Variants in CPED1 observed in about 807,000 individuals in gnomAD.
The protein encoded by CPED1 is cadherin-like and PC-esterase domain-containing protein 1.
A neutral mutation model predicts 128.2 loss-of-function variants in CPED1; 114 were observed. The observed-to-expected ratio is 0.89, with a 90% CI of 0.76 to 1.04. The LOEUF (loss-of-function observed/expected upper bound fraction) is 1.04. Among genes scored for constraint, CPED1 ranks in the 50% least tolerant of loss-of-function variants. The probability of loss-of-function intolerance (pLI) is 0.00; values close to 1 mark genes in which losing one functional copy is unlikely to be tolerated. For missense variants in CPED1, 1,211 were observed against 1,207.1 expected (o/e 1.00, Z -0.05); for synonymous variants, 462 against 426.7 (o/e 1.08, Z -1.02).
At chr7:121,142,286 G>GCC in intron 16 of CPED1, 145 bp downstream of exon 16, 1 of 708,340 alleles carries the variant, frequency 1.4e-6, no homozygotes, top group East Asian at 2.6e-5. Flanking sequence ...GAGAATCCCA[G>GCC]CCAGGTATCT....
At chr7:121,194,039 TA>T (rs1563060913) in intron 16 of CPED1, among the ~76,000 whole-genome samples, 15 of 112,612 alleles carry the variant, frequency 1.3e-4, no homozygotes, top group South Asian at 9.1e-4. Context: ...TATATATATA[TA>T]TATATATATT....
In CPED1 at chr7:121,202,066, G is replaced by A. The variant is rs559924302; in HGVS notation, c.2056-34648G>A. Among the ~76,000 whole-genome samples, 5 of 152,190 alleles carry A rather than the reference G, an allele frequency of 3.3e-5. No homozygotes were observed. In the East Asian group the frequency reaches 9.7e-4, roughly 29 times the overall value. ...TCAGAGAATAATTTTTCCTATTCTA[G>A]ACTTAGACATCAAAAAGAAAAGGCA... On this transcript the variant is annotated intron_variant, in intron 16 of 22. Coordinates refer to ENST00000310396, the MANE Select transcript of CPED1 (RefSeq NM_024913.5).
chr7:121,175,781 T>C (rs901986318), intron 16 of CPED1, among the ~76,000 whole-genome samples: 10 of 152,038 alleles, frequency 6.6e-5, no homozygotes, highest in African/African-American at 2.4e-4. Flanking sequence ...AACTTTTCAA[T>C]ACAACAAGAC....
intron 16 of CPED1, among the ~76,000 whole-genome samples, chr7:121,153,186 C>A (rs1010700456): frequency 1.3e-4 from 20 of 152,198 alleles, no homozygotes; most frequent in Admixed American, 6.5e-4. Flanking sequence ...AGGAATGAGG[C>A]ATAATCATAA....
intron 17 of CPED1, among the ~76,000 whole-genome samples, chr7:121,238,821 A>G (rs1411787451): frequency 6.6e-6 from 1 of 151,670 alleles, no homozygotes; most frequent in Non-Finnish European, 1.5e-5. Flanking sequence ...GTTTTTACTG[A>G]TGGCTTACCT....
rs762557642 is a variant in CPED1, at chr7:121,125,843, T to C, written c.1085T>C (p.Leu362Pro). 6.2e-7 allele frequency: 1 copy of C among 1,613,544 alleles called. No individual in the cohort carries two copies. Among genetic ancestry groups the C allele is most frequent in the Non-Finnish European group, 8.5e-7 (1 of 1,179,610 alleles). ...FHRCRFCFQL[L>P]TFDIGYGSFM... Reference sequence around the variant, plus strand: ...AGATGCAGATTCTGCTTTCAACTTCTAACTTTTGATATTGGTTATGGCAGT... The same window carrying C: ...AGATGCAGATTCTGCTTTCAACTTCCAACTTTTGATATTGGTTATGGCAGT... The change falls in exon 9 of 23, where the codon CTA (leucine) becomes CCA (proline). Residue 362 changes from leucine to proline, a missense_variant. Transcript: ENST00000310396.
intron 22 of CPED1, among the ~76,000 whole-genome samples, chr7:121,274,380 T>A (rs1792292328): frequency 6.6e-6 from 1 of 152,170 alleles, no homozygotes; most frequent in South Asian, 2.1e-4. Context: ...TTTAGCTTAT[T>A]TGACTTTATA....
At chr7:121,091,499 A>G (rs965924755) in intron 5 of CPED1, among the ~76,000 whole-genome samples, 2 of 152,192 alleles carry the variant, frequency 1.3e-5, no homozygotes, top group Non-Finnish European at 2.9e-5. Context: ...TGTTAAACTC[A>G]AAAGGAATAA....
chr7:121,164,198 T>A (rs1047373457), intron 16 of CPED1, among the ~76,000 whole-genome samples: 3 of 152,198 alleles, frequency 2.0e-5, no homozygotes, highest in African/African-American at 7.2e-5. Flanking sequence ...GGCCCAGGAT[T>A]TAAAGGGGCT....
At chr7:121,146,223 G>A (rs761074226) in intron 16 of CPED1, among the ~76,000 whole-genome samples, 1 of 151,962 alleles carries the variant, frequency 6.6e-6, no homozygotes, top group Non-Finnish European at 1.5e-5. Context: ...CGGGAAATGA[G>A]CAAAAAGGGA....
At chr7:121,188,219 C>T (rs928653851) in intron 16 of CPED1, among the ~76,000 whole-genome samples, 17 of 152,158 alleles carry the variant, frequency 1.1e-4, no homozygotes, top group East Asian at 3.9e-4. Context: ...AGATAAAATA[C>T]GATTGACCAT....
At chr7:121,078,063 T>C (rs1373512654) in intron 5 of CPED1, among the ~76,000 whole-genome samples, 1 of 152,140 alleles carries the variant, frequency 6.6e-6, no homozygotes, top group East Asian at 1.9e-4. Flanking sequence ...TTGTTTTTGT[T>C]TTTGAGATGG....
At chr7:121,138,462 C>G (rs909349184) in intron 14 of CPED1, among the ~76,000 whole-genome samples, 3 of 152,012 alleles carry the variant, frequency 2.0e-5, no homozygotes. Flanking sequence ...ACTAAATCAG[C>G]TTTCAGACAG....
At chr7:121,170,114 G>A (rs1039204118) in intron 16 of CPED1, among the ~76,000 whole-genome samples, 13 of 152,144 alleles carry the variant, frequency 8.5e-5, no homozygotes, top group African/African-American at 2.4e-4. Flanking sequence ...GTATAAGGTC[G>A]ATAGCCAGTG....
intron 20 of CPED1, 69 bp downstream of exon 20, chr7:121,266,877 T>C: frequency 9.4e-7 from 1 of 1,066,316 alleles, no homozygotes; most frequent in Non-Finnish European, 1.4e-6. Flanking sequence ...TGTGACTGAG[T>C]TTTATCCAGA....
intron 16 of CPED1, among the ~76,000 whole-genome samples, chr7:121,233,507 C>G (rs571322049): frequency 3.4e-4 from 51 of 152,044 alleles, no homozygotes; most frequent in Admixed American, 5.2e-4. Context: ...CATGATGGTA[C>G]CAGTGTACTC....
intron 3 of CPED1, among the ~76,000 whole-genome samples, chr7:121,029,648 T>G (rs1320074630): frequency 1.3e-5 from 2 of 152,202 alleles, no homozygotes; most frequent in Non-Finnish European, 2.9e-5. Context: ...TCAGGAGAGA[T>G]AGCATATTAA....
intron 7 of CPED1, among the ~76,000 whole-genome samples, chr7:121,119,318 C>T: frequency 6.6e-6 from 1 of 150,740 alleles, no homozygotes; most frequent in East Asian, 2.0e-4. Flanking sequence ...CAAGCTCCGC[C>T]TCCCGGGTTC....
chr7:121,252,916 G>T, intron 18 of CPED1, among the ~76,000 whole-genome samples: 1 of 152,104 alleles, frequency 6.6e-6, no homozygotes, highest in Non-Finnish European at 1.5e-5. Flanking sequence ...ATTCCTCAGG[G>T]ATCTACAACT....
Sources: allele counts gnomAD v4.1 joint callset (sites outside exome capture counted in the v4.1 genomes callset), GRCh38; gene constraint gnomAD v4.1.1; transcripts MANE v1.5; gene names NCBI Gene and HGNC (gene_info 2026-07-23, HGNC 2026-07-21).